Variants in SLC25A21 observed in about 807,000 individuals in gnomAD.
The protein encoded by SLC25A21 is mitochondrial 2-oxodicarboxylate carrier.
SLC25A21 carries 47 observed loss-of-function variants against 43.8 expected under a neutral mutation model. The observed-to-expected ratio is 1.07, with a 90% confidence interval of 0.85 to 1.37. The LOEUF (loss-of-function observed/expected upper bound fraction) is 1.37, where lower values mean the gene tolerates loss of function less well. Among genes scored for constraint, SLC25A21 ranks in the 40% most tolerant of loss-of-function variants. SLC25A21 has a pLI of 0.00. For missense variants in SLC25A21, 352 were observed against 350.2 expected (o/e 1.00, Z -0.04); for synonymous variants, 131 against 121.3 (o/e 1.08, Z -0.52).
At chr14:36,739,068 C>CT (rs540508561) in intron 3 of SLC25A21, among the ~76,000 whole-genome samples, 25 of 152,038 alleles carry the variant, frequency 1.6e-4, no homozygotes, top group South Asian at 4.2e-4. Flanking sequence ...TACTGTATAG[C>CT]TTTTTTTAAA....
chr14:36,948,063 T>A (rs1353725537), intron 1 of SLC25A21, among the ~76,000 whole-genome samples: 1 of 152,180 alleles, frequency 6.6e-6, no homozygotes, highest in African/African-American at 2.4e-5. Flanking sequence ...TAAGGGGCTT[T>A]AGCTCTGATA....
intron 1 of SLC25A21, among the ~76,000 whole-genome samples, chr14:36,965,797 A>T (rs1874917474): frequency 6.6e-6 from 1 of 152,202 alleles, no homozygotes; most frequent in South Asian, 2.1e-4. Flanking sequence ...AGCCCTAATC[A>T]TCTGAGAACA....
At chr14:37,074,322 T>C (rs1962234862) in intron 1 of SLC25A21, among the ~76,000 whole-genome samples, 1 of 152,178 alleles carries the variant, frequency 6.6e-6, no homozygotes, top group Non-Finnish European at 1.5e-5. Flanking sequence ...TATACCACTA[T>C]TGACTGAAAA....
At chr14:36,916,762 G>C (rs542944668) in intron 1 of SLC25A21, among the ~76,000 whole-genome samples, 1 of 151,776 alleles carries the variant, frequency 6.6e-6, no homozygotes. Flanking sequence ...ATCTCTCTAC[G>C]GCCTAGACCC....
In SLC25A21 at chr14:37,160,163, C is replaced by CA. The variant is rs1000159686; in HGVS notation, c.70+12117dup. On this transcript the variant is annotated intron_variant, in intron 1 of 9. Coordinates refer to ENST00000331299, the MANE Select transcript of SLC25A21 (RefSeq NM_030631.4). ...ATGGAAACCATACAGAGATTTCACA[C>CA]AAAAAAAACTAAAAATAGAATTACC... 2.6e-4 allele frequency among the ~76,000 whole-genome samples: 40 copies of CA among 151,708 alleles called. 1 individual carries two copies. Among genetic ancestry groups the CA allele is most frequent in the Admixed American group, 1.4e-3 (21 of 15,218 alleles).
chr14:37,040,966 AT>A (rs1961459189), intron 1 of SLC25A21, among the ~76,000 whole-genome samples: 1 of 152,130 alleles, frequency 6.6e-6, no homozygotes, highest in African/African-American at 2.4e-5. Flanking sequence ...TGTATGAGAC[AT>A]TCAGAGAAAA....
intron 1 of SLC25A21, among the ~76,000 whole-genome samples, chr14:37,154,415 T>C (rs1963810756): frequency 6.6e-6 from 1 of 152,050 alleles, no homozygotes; most frequent in Admixed American, 6.6e-5. Context: ...AAGACGTGAT[T>C]GTTACACCAG....
intron 4 of SLC25A21, among the ~76,000 whole-genome samples, chr14:36,731,923 C>T (rs574304317): frequency 1.1e-4 from 17 of 152,270 alleles, no homozygotes; most frequent in South Asian, 2.1e-4. Context: ...CTCCCTGTCC[C>T]GGGGCCTGAA....
At chr14:37,142,841 G>A (rs1038469236) in intron 1 of SLC25A21, among the ~76,000 whole-genome samples, 13 of 152,202 alleles carry the variant, frequency 8.5e-5, no homozygotes, top group Non-Finnish European at 1.3e-4. Context: ...ACACTCCTAG[G>A]CAGTGGCCCA....
At chr14:36,953,844 T>A (rs979989420) in intron 1 of SLC25A21, among the ~76,000 whole-genome samples, 3 of 152,200 alleles carry the variant, frequency 2.0e-5, no homozygotes, top group African/African-American at 7.2e-5. Flanking sequence ...AAATATTAAA[T>A]TTATTAGATA....
chr14:36,942,106 A>G lies in SLC25A21; in HGVS notation c.71-67102T>C, dbSNP rs72667327. Among the ~76,000 whole-genome samples the G allele has an allele frequency of 3.6e-3, 550 of 152,248 alleles. 5 individuals carry two copies. Among genetic ancestry groups the G allele is most frequent in the Non-Finnish European group, 6.7e-3 (458 of 68,006 alleles). On this transcript the variant is annotated intron_variant, in intron 1 of 9. Coordinates refer to ENST00000331299, the MANE Select transcript of SLC25A21 (RefSeq NM_030631.4). ...TGTTTAATTTTCAATTAGTTAGACT[A>G]TTATTCATTCTCTTACAATTAACAC...
At chr14:36,943,514 T>A (rs1299223640) in intron 1 of SLC25A21, among the ~76,000 whole-genome samples, 1 of 152,184 alleles carries the variant, frequency 6.6e-6, no homozygotes, top group African/African-American at 2.4e-5. Context: ...TTGTATCATG[T>A]CTTAGACATG....
intron 1 of SLC25A21, among the ~76,000 whole-genome samples, chr14:37,139,186 A>G (rs1207339500): frequency 6.6e-6 from 1 of 152,142 alleles, no homozygotes; most frequent in Non-Finnish European, 1.5e-5. Flanking sequence ...ATTACTTTAA[A>G]CATGAGGTCA....
rs533534417 is a variant in SLC25A21 at position 36,748,747 on chromosome 14, C to A, written c.204-14174G>T. 7.2e-5 allele frequency among the ~76,000 whole-genome samples: 11 copies of A among 152,262 alleles called. No individual in the cohort carries two copies. In the South Asian group the frequency reaches 2.3e-3, roughly 32 times the overall value. On this transcript the variant is annotated intron_variant, in intron 3 of 9. Coordinates refer to ENST00000331299, the MANE Select transcript of SLC25A21 (RefSeq NM_030631.4). ...TATGACTTTAGTTATCCACCATATGCTGATAACTGTCATACATCTCCAGTT... is the reference window on the plus strand; with the variant it reads ...TATGACTTTAGTTATCCACCATATGATGATAACTGTCATACATCTCCAGTT...
At chr14:36,925,294 CCAATT>C (rs1335459706) in intron 1 of SLC25A21, among the ~76,000 whole-genome samples, 1 of 152,054 alleles carries the variant, frequency 6.6e-6, no homozygotes, top group Non-Finnish European at 1.5e-5. Flanking sequence ...CAGTGGTTGT[CCAATT>C]AAATTAAGAT....
At chr14:36,821,166 T>C (rs1026974041) in intron 2 of SLC25A21, among the ~76,000 whole-genome samples, 48 of 152,158 alleles carry the variant, frequency 3.2e-4, no homozygotes, top group African/African-American at 1.2e-3. Context: ...GCAAAGACCC[T>C]AGAAAGCACA....
chr14:36,942,852 T>G (rs1892597668), intron 1 of SLC25A21, among the ~76,000 whole-genome samples: 1 of 152,022 alleles, frequency 6.6e-6, no homozygotes. Context: ...AAATTTGGAG[T>G]TTTCAAACTA....
chr14:37,138,404 ATTC>A (rs1963518798), intron 1 of SLC25A21, among the ~76,000 whole-genome samples: 1 of 152,148 alleles, frequency 6.6e-6, no homozygotes, highest in African/African-American at 2.4e-5. Context: ...AAAACAAATA[ATTC>A]TTATTAACTG....
At chr14:36,858,760 A>T (rs1889978686) in intron 2 of SLC25A21, among the ~76,000 whole-genome samples, 1 of 152,166 alleles carries the variant, frequency 6.6e-6, no homozygotes, top group Admixed American at 6.5e-5. Context: ...TTCTCTCAGA[A>T]CTTGGCAAGC....
Sources: gnomAD v4.1 joint callset for allele counts (sites outside exome capture counted in the v4.1 genomes callset) on GRCh38, gnomAD v4.1.1 for gene constraint, MANE v1.5 for transcripts, NCBI Gene and HGNC (gene_info 2026-07-23, HGNC 2026-07-21) for gene names.